The following HNRNPL variants were observed in gnomAD, a reference collection of about 807,000 sequenced individuals.
The protein encoded by HNRNPL is epididymis secretory sperm binding protein.
In HNRNPL, 12 loss-of-function variants were observed where a neutral mutation model predicts 64.0. That is an observed-to-expected ratio of 0.19 (90% CI 0.12 to 0.30). HNRNPL has a LOEUF of 0.30. Ranked by LOEUF, HNRNPL falls within the 10% of genes least tolerant of loss-of-function variation. The pLI, the probability that HNRNPL is intolerant of heterozygous loss-of-function variation, is 1.00. For synonymous variants in HNRNPL, 385 were observed against 313.0 expected (o/e 1.23, Z -2.43); for missense variants, 484 against 797.4 (o/e 0.61, Z 4.73).
Position 38,849,835 on chromosome 19 carries a change from A to G in HNRNPL, c.132T>C (p.Gly44=), listed in dbSNP as rs1484311732. 7.4e-6 allele frequency: 9 copies of G among 1,223,184 alleles called. No individual in the cohort carries two copies. In the Admixed American group the frequency reaches 1.5e-4, roughly 20 times the overall value. The allele number at this position is 1,223,184 out of a possible 1,614,324, so 75.8% of individuals were successfully genotyped here. A position where few individuals can be genotyped will look rare whatever the true frequency, so the allele number is the denominator to read the frequency against. ...KMAAAGGGGG[G]GRYYGGGSEG... ...CACTGCCGCCGCCGTAGTAGCGGCC[A>G]CCGCCGCCTCCGCCGCCCGCCGCCG... is the stretch of plus-strand genomic sequence containing the variant. Residue 44 remains glycine, a synonymous_variant, in exon 1 of 13, where the codon GGT becomes GGC. Transcript: ENST00000221419.
chr19:38,850,677 G>A (rs571871340), upstream of HNRNPL, among the ~76,000 whole-genome samples: 2 of 152,338 alleles, frequency 1.3e-5, no homozygotes, highest in African/African-American at 2.4e-5. Flanking sequence ...TGTGTGCGCC[G>A]GAAGGCTAGA....
intron 8 of HNRNPL, chr19:38,839,640 G>A: frequency 5.5e-6 from 1 of 181,942 alleles, no homozygotes; most frequent in Non-Finnish European, 1.2e-5. Flanking sequence ...CTGCACAAAG[G>A]CCCCCAAGAC....
intron 8 of HNRNPL, chr19:38,839,273 A>C (rs1261152820): frequency 8.7e-6 from 4 of 462,138 alleles, no homozygotes; most frequent in South Asian, 2.3e-5. Context: ...ACTGTACAGG[A>C]ATCAGAAATC....
chr19:38,852,210 T>G (rs1384802273), upstream of HNRNPL: 1 of 114,862 alleles, frequency 8.7e-6, no homozygotes, highest in Non-Finnish European at 1.9e-5. Context: ...CCCACCCCGC[T>G]GCTCGGACCC....
intron 2 of HNRNPL, among the ~76,000 whole-genome samples, 179 bp downstream of exon 2, chr19:38,847,137 G>A (rs776513239): frequency 2.0e-5 from 3 of 152,166 alleles, no homozygotes; most frequent in Non-Finnish European, 4.4e-5. Flanking sequence ...AAGGAAAAAG[G>A]GTCATGGAAC....
intron 6 of HNRNPL, chr19:38,841,145 T>C (rs919450631): frequency 3.6e-5 from 8 of 221,000 alleles, no homozygotes; most frequent in Admixed American, 3.2e-4. Context: ...TCAGTTCAAA[T>C]AAGCAATCAT....
At position 38,840,402 on chromosome 19, in the gene HNRNPL, G is replaced by A. The variant is rs750257608; in HGVS notation, c.953-26C>T. On this transcript the variant is annotated intron_variant, in intron 7 of 12. Coordinates refer to ENST00000221419, the MANE Select transcript of HNRNPL (RefSeq NM_001533.3). ...CTGGGGGGTGGGAAGGAAAGAGAGG[G>A]AGGACGGGTGAGAATTTGCACGGCG... The A allele has an allele frequency of 8.2e-5, 129 of 1,565,316 alleles. 1 individual carries two copies. The South Asian group carries it at 1.5e-3, about 18-fold the overall frequency.
In HNRNPL at chr19:38,849,892, C is replaced by T; in HGVS notation, c.75G>A (p.Gln25=). 1 of 1,257,238 alleles carries T rather than the reference C, an allele frequency of 8.0e-7. No individual in the cohort carries two copies. The highest frequency in any genetic ancestry group is 2.7e-5 in the East Asian group (1 of 37,480). 77.9% of individuals were successfully genotyped at this position (1,257,238 alleles called of 1,614,324 possible). Residue 25 remains glutamine, a synonymous_variant, in exon 1 of 13, where the codon CAG becomes CAA. Transcript: ENST00000221419. ...RLEQRQQPDE[Q]RRRSGAMVKM... Reference sequence around the variant, plus strand: ...TCACCATCGCTCCCGACCGCCTCCGCTGCTCGTCCGGCTGCTGCCTCTGCT... The same window carrying T: ...TCACCATCGCTCCCGACCGCCTCCGTTGCTCGTCCGGCTGCTGCCTCTGCT...
Position 38,849,756 on chromosome 19 carries a change from C to T in HNRNPL, c.211G>A (p.Gly71Arg). 7.1e-7 allele frequency: 1 copy of T among 1,412,026 alleles called. No individual in the cohort carries two copies. Among genetic ancestry groups the T allele is most frequent in the Non-Finnish European group, 9.3e-7 (1 of 1,077,566 alleles). 87.5% of individuals were successfully genotyped at this position (1,412,026 alleles called of 1,614,324 possible). ...CCTCCACCGCCACCGCCGCCGCCTC[C>T]GTGCTGGTCGCCGGCGTTGTCAGTC... ...LKTDNAGDQH[G>R]GGGGGGGGAG... Residue 71 changes from glycine (G) to arginine (R), a missense_variant, in exon 1 of 13, where the codon GGA becomes AGA. Gly to Arg is a moderately radical substitution (Grantham distance 125, BLOSUM62 -2). Transcript: ENST00000221419.
upstream of HNRNPL, among the ~76,000 whole-genome samples, chr19:38,852,083 T>TCG (rs900039383): frequency 1.2e-5 from 1 of 84,154 alleles, no homozygotes; most frequent in Admixed American, 1.4e-4. Flanking sequence ...CGGACGCCCC[T>TCG]CGCGCCGGCG....
chr19:38,851,025 C>T (rs1436983919), upstream of HNRNPL: 1 of 152,478 alleles, frequency 6.6e-6, no homozygotes, highest in African/African-American at 2.4e-5. Flanking sequence ...CCCAGACCCC[C>T]AGGATTCCCT....
In HNRNPL at chr19:38,849,787, C is replaced by T; in HGVS notation, c.180G>A (p.Arg60=). The T allele has an allele frequency of 7.1e-7, 1 of 1,407,406 alleles. No homozygotes were observed. The highest frequency in any genetic ancestry group is 2.2e-5 in the Admixed American group (1 of 45,528). 87.2% of individuals were successfully genotyped at this position (1,407,406 alleles called of 1,614,324 possible). A position where few individuals can be genotyped will look rare whatever the true frequency, so the allele number is the denominator to read the frequency against. ...GGTCGCCGGCGTTGTCAGTCTTGAG[C>T]CGCTTAGGGGCCCGGCCGCCCTCAC... ...GGSEGGRAPK[R]LKTDNAGDQH... Residue 60 remains arginine (R), a synonymous_variant, in exon 1 of 13, where the codon CGG becomes CGA. Coordinates refer to ENST00000221419, the MANE Select transcript of HNRNPL (RefSeq NM_001533.3).
intron 8 of HNRNPL, chr19:38,839,299 A>G: frequency 2.5e-6 from 1 of 407,500 alleles, no homozygotes; most frequent in South Asian, 2.3e-5. Context: ...AGCCATTTTC[A>G]CCATTTTGTC....
intron 3 of HNRNPL, 57 bp from the exon 4 acceptor site, chr19:38,845,792 G>A (rs1972272741): frequency 6.3e-7 from 1 of 1,598,592 alleles, no homozygotes; most frequent in Non-Finnish European, 8.6e-7. Context: ...TCTGGCTTGG[G>A]GGAGGGAATA....
At chr19:38,846,927 AATAT>A (rs1972316622) in intron 2 of HNRNPL, among the ~76,000 whole-genome samples, 1 of 151,608 alleles carries the variant, frequency 6.6e-6, no homozygotes, top group Non-Finnish European at 1.5e-5. Context: ...ACAAACAAAA[AATAT>A]ATATATGTAA....
chr19:38,841,215 G>A (rs1972106759), intron 6 of HNRNPL: 1 of 273,924 alleles, frequency 3.7e-6, no homozygotes, highest in Non-Finnish European at 7.2e-6. Context: ...GACCCCAGCA[G>A]TTCGTAATCA....
chr19:38,839,102 T>C (rs1972025285), intron 8 of HNRNPL, 87 bp from the exon 9 acceptor site: 1 of 1,529,780 alleles, frequency 6.5e-7, no homozygotes, highest in East Asian at 2.3e-5. Flanking sequence ...TAATAACCCC[T>C]GCTCTGGCCT....
At chr19:38,849,207 T>C (rs1972409436) in intron 1 of HNRNPL, 1 of 159,522 alleles carries the variant, frequency 6.3e-6, no homozygotes, top group African/African-American at 2.4e-5. Flanking sequence ...AACACATCCA[T>C]TTCTGTATAG....
intron 4 of HNRNPL, 197 bp downstream of exon 4, chr19:38,845,453 C>A: frequency 1.7e-6 from 1 of 600,968 alleles, no homozygotes. Context: ...TGCTCTCTCC[C>A]CTAAGATCTG....
Sources: gnomAD v4.1 joint callset for allele counts (sites outside exome capture counted in the v4.1 genomes callset) on GRCh38, gnomAD v4.1.1 for gene constraint, MANE v1.5 for transcripts, NCBI Gene and HGNC (gene_info 2026-07-23, HGNC 2026-07-21) for gene names.